BPIFC: variants seen among roughly 807,000 people sequenced by gnomAD.
BPIFC encodes BPI fold-containing family C protein.
A neutral mutation model predicts 57.6 loss-of-function variants in BPIFC; 60 were observed. That is an observed-to-expected ratio of 1.04 (90% confidence interval 0.85 to 1.29). BPIFC has a LOEUF of 1.29. Ranked by LOEUF, BPIFC falls within the 50% of genes most tolerant of loss-of-function variation. The pLI is 0.00. For missense variants in BPIFC, 581 were observed against 600.5 expected (o/e 0.97, Z 0.34); for synonymous variants, 243 against 224.5 (o/e 1.08, Z -0.74).
intron 8 of BPIFC, among the ~76,000 whole-genome samples, chr22:32,440,038 C>T (rs189512546): frequency 6.6e-6 from 1 of 152,320 alleles, no homozygotes; most frequent in East Asian, 1.9e-4. Flanking sequence ...ACATGGTGAT[C>T]CTTGGCTACT....
At chr22:32,457,600 TGCGCTCTCCCAC>T (rs1935071698) in intron 2 of BPIFC, among the ~76,000 whole-genome samples, 1 of 136,492 alleles carries the variant, frequency 7.3e-6, no homozygotes, top group African/African-American at 2.7e-5. Context: ...CATCCATCCA[TGCGCTCTCCCAC>T]CCATCCATCC....
At chr22:32,448,182 C>T (rs564999692) in intron 4 of BPIFC, among the ~76,000 whole-genome samples, 2 of 151,956 alleles carry the variant, frequency 1.3e-5, no homozygotes, top group Non-Finnish European at 2.9e-5. Flanking sequence ...GATTCTCCTG[C>T]CTCAGCCTCC....
chr22:32,432,083 C>T lies in BPIFC; in HGVS notation c.1149+290G>A, dbSNP rs1156833838. ...CTGAGTAGCTAGGATGACAGGTGCA[C>T]AACACCACCACACCTGGCTAATTCA... On this transcript the variant is annotated intron_variant, in intron 12 of 16. Coordinates refer to ENST00000300399, the MANE Select transcript of BPIFC (RefSeq NM_174932.3). Among the ~76,000 whole-genome samples, 3 of 152,122 alleles carry T rather than the reference C, an allele frequency of 2.0e-5. No individual in the cohort carries two copies. The East Asian group carries it at 5.8e-4, about 29-fold the overall frequency.
At chr22:32,419,240 T>C in intron 14 of BPIFC, 122 bp downstream of exon 14, 1 of 1,050,042 alleles carries the variant, frequency 9.5e-7, no homozygotes, top group Non-Finnish European at 1.4e-6. Flanking sequence ...CAAAGTTAAG[T>C]CCTACAATTA....
At chr22:32,428,877 T>G (rs979077280) in intron 13 of BPIFC, among the ~76,000 whole-genome samples, 3 of 151,852 alleles carry the variant, frequency 2.0e-5, no homozygotes, top group East Asian at 1.9e-4. Context: ...CCAGCCTGGG[T>G]GACAGAGTAA....
intron 13 of BPIFC, among the ~76,000 whole-genome samples, chr22:32,423,577 G>GGTGTGTGTGGGTGT (rs1556036077): frequency 7.0e-6 from 1 of 143,198 alleles, no homozygotes; most frequent in African/African-American, 2.7e-5. Flanking sequence ...GTAGGGTGTG[G>GGTGTGTGTGGGTGT]GTGTGTGTGT....
Position 32,453,477 on chromosome 22 carries a change from C to G in BPIFC, c.151G>C (p.Glu51Gln), listed in dbSNP as rs1934952724. The G allele has an allele frequency of 1.2e-6, 2 of 1,602,418 alleles. No individual in the cohort carries two copies. The highest frequency in any genetic ancestry group is 2.7e-5 in the African/African-American group (2 of 74,156). Residue 51 changes from glutamate (E) to glutamine (Q), a missense_variant, in exon 4 of 17, where the codon GAG becomes CAG. Physicochemically the swap from Glu to Gln is conservative, Grantham distance 29. Coordinates refer to ENST00000300399, the MANE Select transcript of BPIFC (RefSeq NM_174932.3). ...AGTTTCTTTTCTTTTAGCATTTGCT[C>G]AATCATCTTCATTCCAGCTTGAACA... is the stretch of plus-strand genomic sequence containing the variant. ...YGVQAGMKMI[E>Q]QMLKEKKLPD... is the part of the protein sequence containing the mutation.
At position 32,432,519 on chromosome 22, in the gene BPIFC, G is replaced by A. The variant is rs762033070; in HGVS notation, c.1003C>T (p.Gln335Ter). Reference protein sequence around the residue: ...SRIAEIYILSQPFMVRIMATE... With the variant: ...SRIAEIYILS ...GCCATGATCCTCACCATGAAGGGCT[G>A]GGACAAGATGTAGATCTCTGCAATC... Residue 335 changes from glutamine (Q) to a stop codon, truncating the protein, a stop_gained, in exon 12 of 17, where the codon CAG becomes TAG. Coordinates refer to ENST00000300399, the MANE Select transcript of BPIFC (RefSeq NM_174932.3). LOFTEE classifies it high-confidence loss of function. The A allele has an allele frequency of 6.2e-7, 1 of 1,614,070 alleles. No individual in the cohort carries two copies. Among genetic ancestry groups the A allele is most frequent in the Admixed American group, 1.7e-5 (1 of 60,000 alleles).
At chr22:32,457,443 A>G (rs12165345) in intron 2 of BPIFC, 57 bp from the exon 3 acceptor site, 2 of 1,562,506 alleles carry the variant, frequency 1.3e-6, no homozygotes, top group Non-Finnish European at 1.7e-6. Flanking sequence ...TCTTTGGTCA[A>G]TTAAATCCAA....
At chr22:32,448,073 T>C (rs1443098008) in intron 4 of BPIFC, among the ~76,000 whole-genome samples, 2 of 137,884 alleles carry the variant, frequency 1.5e-5, no homozygotes, top group Non-Finnish European at 3.2e-5. Context: ...TTTTCTTTTT[T>C]CTTTTTTTTT....
At chr22:32,420,168 A>G (rs1429021247) in intron 13 of BPIFC, among the ~76,000 whole-genome samples, 1 of 151,940 alleles carries the variant, frequency 6.6e-6, no homozygotes, top group African/African-American at 2.4e-5. Context: ...AATACAAAAA[A>G]TTAGCAGGAC....
chr22:32,458,803 A>G (rs1042262722), intron 2 of BPIFC, among the ~76,000 whole-genome samples: 9 of 152,172 alleles, frequency 5.9e-5, no homozygotes, highest in Non-Finnish European at 1.2e-4. Flanking sequence ...TCTTACTTCT[A>G]TAACTCTGGA....
rs999154942 is a variant in BPIFC at position 32,428,857 on chromosome 22, C to A, written c.1217+2490G>T. On this transcript the variant is annotated intron_variant, in intron 13 of 16. Transcript: ENST00000300399. ...GAGGTTGTAGTGAGCCGAGATCGCA[C>A]CCCTGCACTCCAGCCTGGGTGACAG... is the stretch of plus-strand genomic sequence containing the variant. Among the ~76,000 whole-genome samples the A allele has an allele frequency of 5.3e-5, 8 of 152,196 alleles. No homozygotes were observed. In the East Asian group the frequency reaches 1.5e-3, roughly 29 times the overall value.
chr22:32,462,168 C>CAAAAAAAAAAAAAA (rs35716277), intron 1 of BPIFC, among the ~76,000 whole-genome samples: 36 of 53,598 alleles, frequency 6.7e-4, no homozygotes, highest in African/African-American at 1.7e-3. Flanking sequence ...GACTCCATCT[C>CAAAAAAAAAAAAAA]AAAAAAAAAA....
At chr22:32,458,217 C>G (rs941196925) in intron 2 of BPIFC, among the ~76,000 whole-genome samples, 13 of 152,176 alleles carry the variant, frequency 8.5e-5, no homozygotes, top group Admixed American at 3.3e-4. Context: ...AACACACACA[C>G]CTGGCTCTCA....
At chr22:32,452,632 C>T (rs1271900190) in intron 4 of BPIFC, among the ~76,000 whole-genome samples, 5 of 114,148 alleles carry the variant, frequency 4.4e-5, no homozygotes, top group South Asian at 2.5e-4. Flanking sequence ...AGCAAGACTC[C>T]GTCTCAAAAA....
intron 7 of BPIFC, among the ~76,000 whole-genome samples, chr22:32,443,207 A>G (rs1449614218): frequency 2.9e-5 from 4 of 136,696 alleles, no homozygotes; most frequent in African/African-American, 5.6e-5. Context: ...TCTGTCACCC[A>G]GGCTGGAGTG....
At chr22:32,426,675 T>G (rs1334140089) in intron 13 of BPIFC, among the ~76,000 whole-genome samples, 1 of 151,984 alleles carries the variant, frequency 6.6e-6, no homozygotes, top group Admixed American at 6.5e-5. Context: ...GTGGATCACC[T>G]GAGGTCAGGA....
At chr22:32,445,516 G>A (rs2076032) in intron 7 of BPIFC, 119 bp downstream of exon 7, 266,637 of 1,092,326 alleles carry the variant, frequency 0.24, 33,540 homozygotes, top group Middle Eastern at 0.35. Context: ...CAGCCTGGGC[G>A]ACAGAGCGAG....
Sources: allele counts gnomAD v4.1 joint callset (sites outside exome capture counted in the v4.1 genomes callset), GRCh38; gene constraint gnomAD v4.1.1; transcripts MANE v1.5; gene names NCBI Gene and HGNC (gene_info 2026-07-23, HGNC 2026-07-21).